Variants in KAT7 observed in about 807,000 individuals in gnomAD.
The protein encoded by KAT7 is histone acetyltransferase KAT7.
KAT7 carries 10 observed loss-of-function variants against 82.1 expected under a neutral mutation model. The ratio of observed to expected loss-of-function variants is 0.12; its 90% CI spans 0.08 to 0.21. The LOEUF (loss-of-function observed/expected upper bound fraction) is 0.21, where lower values mean the gene tolerates loss of function less well. Among genes scored for constraint, KAT7 ranks in the 10% least tolerant of loss-of-function variants. The pLI is 1.00. For synonymous variants in KAT7, 250 were observed against 262.5 expected (o/e 0.95, Z 0.46); for missense variants, 378 against 760.9 (o/e 0.50, Z 5.92).
intron 14 of KAT7, 94 bp downstream of exon 14, chr17:49,826,893 A>T (rs1598092954): frequency 1.3e-6 from 1 of 776,560 alleles, no homozygotes; most frequent in East Asian, 2.7e-5. Flanking sequence ...ACCTTCCCTT[A>T]AAGGAGTTGG....
intron 4 of KAT7, among the ~76,000 whole-genome samples, chr17:49,800,912 C>G (rs188628057): frequency 5.1e-4 from 78 of 152,182 alleles, no homozygotes; most frequent in Admixed American, 1.8e-3. Context: ...GTGATATGGT[C>G]ACATTTGAGC....
chr17:49,800,174 G>C (rs1388010730), intron 4 of KAT7, among the ~76,000 whole-genome samples: 1 of 151,964 alleles, frequency 6.6e-6, no homozygotes, highest in African/African-American at 2.4e-5. Context: ...ACCATGCCCG[G>C]CTAATTTTTT....
At chr17:49,798,652 T>G (rs1420094004) in intron 4 of KAT7, 94 bp downstream of exon 4, 4 of 1,330,726 alleles carry the variant, frequency 3.0e-6, no homozygotes, top group Non-Finnish European at 3.1e-6. Flanking sequence ...GGATTTAGCT[T>G]CTTAGGCTCT....
At chr17:49,802,816 C>G (rs966053092) in intron 4 of KAT7, among the ~76,000 whole-genome samples, 3 of 152,120 alleles carry the variant, frequency 2.0e-5, no homozygotes, top group Admixed American at 2.0e-4. Context: ...GCCTTGACTT[C>G]CTGGGCTTAA....
In KAT7 at chr17:49,795,599, C is replaced by T. The variant is rs563404926; in HGVS notation, c.164-1151C>T. The T allele has an allele frequency of 9.6e-5, 23 of 240,594 alleles. No homozygotes were observed. In the South Asian group the frequency reaches 1.1e-3, roughly 11 times the overall value. 14.9% of individuals were successfully genotyped at this position (240,594 alleles called of 1,614,324 possible). On this transcript the variant is annotated intron_variant, in intron 2 of 14. Coordinates refer to ENST00000259021, the MANE Select transcript of KAT7 (RefSeq NM_007067.5). ...TTTCAGATGGCTTATTCAAACCTAC[C>T]GAGTGCTAACATGGATGGGCTGAAG...
At chr17:49,799,636 GAGT>G (rs1203016496) in intron 4 of KAT7, among the ~76,000 whole-genome samples, 1 of 151,894 alleles carries the variant, frequency 6.6e-6, no homozygotes, top group Non-Finnish European at 1.5e-5. Flanking sequence ...TGGCCTCCCA[GAGT>G]GCTGGGATTA....
chr17:49,805,603 G>GA (rs2074081636), intron 5 of KAT7, among the ~76,000 whole-genome samples, 158 bp downstream of exon 5: 1 of 152,128 alleles, frequency 6.6e-6, no homozygotes, highest in Admixed American at 6.5e-5. Flanking sequence ...TGCTTTTTTA[G>GA]AAAAAACTAG....
At chr17:49,823,344 A>G (rs1233634300) in intron 12 of KAT7, 49 bp downstream of exon 12, 3 of 1,003,448 alleles carry the variant, frequency 3.0e-6, no homozygotes, top group South Asian at 1.3e-5. Context: ...GGACCATGTG[A>G]ATATTGTTTG....
Position 49,809,825 on chromosome 17 carries a change from C to T in KAT7, c.753+617C>T, listed in dbSNP as rs545394625. Among the ~76,000 whole-genome samples the T allele has an allele frequency of 2.6e-5, 4 of 152,356 alleles. No homozygotes were observed. In the East Asian group the frequency reaches 7.7e-4, roughly 29 times the overall value. Reference sequence around the variant, plus strand: ...TTTCTTTCAAGGCCCGTGCAGTTCTCAGCTGTTGGAGGAATTTTTCCCAAA... The same window carrying T: ...TTTCTTTCAAGGCCCGTGCAGTTCTTAGCTGTTGGAGGAATTTTTCCCAAA... On this transcript the variant is annotated intron_variant, in intron 6 of 14. Coordinates refer to ENST00000259021, the MANE Select transcript of KAT7 (RefSeq NM_007067.5).
rs554462422 is a variant in KAT7 at position 49,807,704 on chromosome 17, C to T, written c.664-1415C>T. Among the ~76,000 whole-genome samples, 4 of 152,264 alleles carry T rather than the reference C, an allele frequency of 2.6e-5. No homozygotes were observed. The East Asian group carries it at 7.7e-4, about 29-fold the overall frequency. ...GTGCTTGGGAAACTGCATGGAAGTT[C>T]AGGCAGTAGTTGGTGGACTGGACTA... On this transcript the variant is annotated intron_variant, in intron 5 of 14. Transcript: ENST00000259021.
At chr17:49,811,609 T>G in intron 7 of KAT7, 35 bp downstream of exon 7, 2 of 1,071,842 alleles carry the variant, frequency 1.9e-6, no homozygotes, top group Non-Finnish European at 2.6e-6. Context: ...GAGCATGAAC[T>G]CCTGCTATCA....
chr17:49,805,502 G>A, intron 5 of KAT7, 57 bp downstream of exon 5: 1 of 1,295,016 alleles, frequency 7.7e-7, no homozygotes, highest in Non-Finnish European at 1.1e-6. Context: ...CGTTTGCCAG[G>A]CACTTTGCTG....
rs969965491 is a variant in KAT7, at chr17:49,796,879, G to A, written c.293G>A (p.Arg98His). ...TPKKYPLRQT[R>H]SSGSETEQVV... ...AAAAAATACCCTCTTCGGCAGACTC[G>A]TTCATCTGGTTCAGAAACTGAGCAA... Residue 98 changes from arginine (R) to histidine (H), a missense_variant, in exon 3 of 15, where the codon CGT (arginine) becomes CAT (histidine). Transcript: ENST00000259021. 6.8e-6 allele frequency: 11 copies of A among 1,613,994 alleles called. No homozygotes were observed. Among genetic ancestry groups the A allele is most frequent in the Admixed American group, 1.7e-5 (1 of 59,986 alleles).
intron 2 of KAT7, among the ~76,000 whole-genome samples, chr17:49,795,047 G>A (rs897882519): frequency 1.3e-5 from 2 of 150,894 alleles, no homozygotes; most frequent in Non-Finnish European, 2.9e-5. Flanking sequence ...GGGTGCAGCC[G>A]TGAGAGAGTG....
At chr17:49,824,785 A>G (rs932876275) in intron 12 of KAT7, 2 of 152,214 alleles carry the variant, frequency 1.3e-5, no homozygotes, top group Non-Finnish European at 2.9e-5. Flanking sequence ...ATTTTTAAGC[A>G]TTAACAAAAG....
chr17:49,796,536 A>G (rs889548880), intron 2 of KAT7, among the ~76,000 whole-genome samples: 1 of 152,184 alleles, frequency 6.6e-6, no homozygotes, highest in Non-Finnish European at 1.5e-5. Context: ...TAATTCCAGA[A>G]CCTAAACTTA....
intron 3 of KAT7, 22 bp from the exon 4 acceptor site, chr17:49,798,297 C>T (rs147046894): frequency 1.1e-4 from 181 of 1,609,868 alleles, no homozygotes; most frequent in Middle Eastern, 3.3e-4. Context: ...CTCATAACTT[C>T]TACCAATTGC....
At position 49,829,175 on chromosome 17, in the gene KAT7, A is replaced by T. The variant is rs1477917612; in HGVS notation, c.*1673A>T. The T allele has an allele frequency of 6.6e-6, 1 of 152,138 alleles. No individual in the cohort carries two copies. Among genetic ancestry groups the T allele is most frequent in the Non-Finnish European group, 1.5e-5 (1 of 68,014 alleles). The allele number at this position is 152,138 out of a possible 1,614,324, so 9.4% of individuals were successfully genotyped here. On this transcript the variant is annotated 3_prime_UTR_variant, in exon 15 of 15. Transcript: ENST00000259021. ...GCTACTAATAGTAAATGCACTTGGG[A>T]TTTGCTTTCCCTAGCAGTAAACTGT...
At chr17:49,805,663 T>C (rs564089265) in intron 5 of KAT7, among the ~76,000 whole-genome samples, 3 of 152,330 alleles carry the variant, frequency 2.0e-5, no homozygotes, top group Admixed American at 6.5e-5. Context: ...TGAGAGAAGT[T>C]AACAAGGAGA....
Sources: gnomAD v4.1 joint callset for allele counts (sites outside exome capture counted in the v4.1 genomes callset) on GRCh38, gnomAD v4.1.1 for gene constraint, MANE v1.5 for transcripts, NCBI Gene and HGNC (gene_info 2026-07-23, HGNC 2026-07-21) for gene names.